Variants in MYCBPAP observed in about 807,000 individuals in gnomAD.
The protein encoded by MYCBPAP is MYCBP-associated protein.
Under a neutral mutation model 106.1 loss-of-function variants are expected in MYCBPAP, and 60 were observed. The observed-to-expected ratio is 0.57, with a 90% confidence interval of 0.46 to 0.70. The LOEUF (loss-of-function observed/expected upper bound fraction) is 0.70. MYCBPAP is among the 30% of genes least tolerant of loss of function. MYCBPAP has a pLI of 0.00. For missense variants in MYCBPAP, 1,064 were observed against 1,169.3 expected, an observed-to-expected ratio of 0.91 and a Z score of 1.31; for synonymous variants, 407 against 440.6, an observed-to-expected ratio of 0.92 and a Z score of 0.95.
intron 7 of MYCBPAP, among the ~76,000 whole-genome samples, chr17:50,520,842 A>C (rs2034230642): frequency 6.6e-6 from 1 of 152,202 alleles, no homozygotes; most frequent in Non-Finnish European, 1.5e-5. Flanking sequence ...GCTCATTGTT[A>C]AGCACTCAAT....
chr17:50,511,730 G>T (rs1033628403), intron 1 of MYCBPAP, among the ~76,000 whole-genome samples: 1 of 152,134 alleles, frequency 6.6e-6, no homozygotes, highest in South Asian at 2.1e-4. Flanking sequence ...AGCCCTATCA[G>T]CTTGGGATTC....
Position 50,527,334 on chromosome 17 carries a change from G to A in MYCBPAP, c.2217G>A (p.Met739Ile). 1 of 1,614,160 alleles carries A rather than the reference G, an allele frequency of 6.2e-7. No homozygotes were observed. The highest frequency in any genetic ancestry group is 8.5e-7 in the Non-Finnish European group (1 of 1,180,028). ...AGAACCACAGAGAGGATGCGTTGAT[G>A]AGGCTCAACAAAGCAGCCCTGGAGC... ...PDENHREDAL[M>I]RLNKAALELC... is the part of the protein sequence containing the mutation. The change falls in exon 15 of 19, where the codon ATG becomes ATA. Residue 739 changes from methionine to isoleucine, a missense_variant. Met to Ile is a conservative substitution (Grantham distance 10, BLOSUM62 1). Coordinates refer to ENST00000323776, the MANE Select transcript of MYCBPAP (RefSeq NM_032133.6).
rs2034279192 is a variant in MYCBPAP at position 50,522,086 on chromosome 17, A to G, written c.1257+5A>G. ...GGCAGTAATCCACAGGACAAGGTAA[A>G]ACAGCCTCCACCACACCTGCTGGGA... On this transcript the variant is annotated splice_donor_5th_base_variant and intron_variant, in intron 10 of 18. Transcript: ENST00000323776. The G allele has an allele frequency of 5.0e-6, 8 of 1,611,876 alleles. No homozygotes were observed. The East Asian group carries it at 1.8e-4, about 36-fold the overall frequency.
intron 7 of MYCBPAP, chr17:50,520,040 C>T (rs779797572): frequency 2.2e-5 from 9 of 410,056 alleles, no homozygotes; most frequent in African/African-American, 1.4e-4. Context: ...AGCCTTGAGC[C>T]ACATGCCGCT....
intron 15 of MYCBPAP, 151 bp downstream of exon 15, chr17:50,527,559 C>A: frequency 1.1e-6 from 1 of 945,354 alleles, no homozygotes; most frequent in Non-Finnish European, 1.6e-6. Context: ...GTTCTGGAAC[C>A]CTGCAGTGCC....
Position 50,517,428 on chromosome 17 carries a change from G to T in MYCBPAP, c.340G>T (p.Ala114Ser), listed in dbSNP as rs1313669880. The change falls in exon 3 of 19, where the codon GCC (alanine) becomes TCC (serine). Residue 114 changes from alanine to serine, a missense_variant. Physicochemically the swap from Ala to Ser is moderately conservative, Grantham distance 99. Transcript: ENST00000323776. ...AGCACGTCCTGCGAATCCTGATGAA[G>T]CCACAAAGCCTCTGGACTACTCCGG... is the stretch of plus-strand genomic sequence containing the variant. ...LVARPANPDE[A>S]TKPLDYSGPG... 4 of 1,614,040 alleles carry T rather than the reference G, an allele frequency of 2.5e-6. No homozygotes were observed. Among genetic ancestry groups the T allele is most frequent in the Non-Finnish European group, 3.4e-6 (4 of 1,180,034 alleles).
chr17:50,522,419 G>A (rs1042292869), intron 10 of MYCBPAP: 3 of 194,644 alleles, frequency 1.5e-5, no homozygotes, highest in Non-Finnish European at 3.3e-5. Flanking sequence ...ATCTGGCCAG[G>A]CGCAGAGGCT....
intron 18 of MYCBPAP, 39 bp from the exon 19 acceptor site, chr17:50,531,288 A>C (rs1463635126): frequency 2.1e-6 from 3 of 1,447,044 alleles, no homozygotes; most frequent in Non-Finnish European, 2.9e-6. Flanking sequence ...TGCTTCCCAC[A>C]GAGTAAACTC....
In MYCBPAP at chr17:50,517,343, G is replaced by A. The variant is rs79000284; in HGVS notation, c.255G>A (p.Gln85=). The change falls in exon 3 of 19, where the codon CAG becomes CAA. Residue 85 remains glutamine, a synonymous_variant. Transcript: ENST00000323776. ...AGGAAGATAAACGTGTCATCACCCA[G>A]AAATTTATCATCCGTAAACTCAAAC... ...TEKEDKRVIT[Q]KFIIRKLKPM... is the part of the protein sequence containing the mutation. The A allele has an allele frequency of 1.1e-4, 176 of 1,614,160 alleles. No individual in the cohort carries two copies. In the East Asian group the frequency reaches 3.9e-3, roughly 36 times the overall value.
intron 11 of MYCBPAP, 62 bp from the exon 12 acceptor site, chr17:50,523,535 T>C (rs1246359155): frequency 6.5e-7 from 1 of 1,547,444 alleles, no homozygotes; most frequent in Non-Finnish European, 8.9e-7. Flanking sequence ...TGTAGGAGCA[T>C]GTAGGCCTGG....
At chr17:50,524,653 A>G (rs1223114093) in intron 12 of MYCBPAP, among the ~76,000 whole-genome samples, 1 of 151,500 alleles carries the variant, frequency 6.6e-6, no homozygotes, top group Non-Finnish European at 1.5e-5. Flanking sequence ...CTTTTCATCC[A>G]TTTTTAGGGA....
chr17:50,522,203 C>G, intron 10 of MYCBPAP, 122 bp downstream of exon 10: 2 of 679,118 alleles, frequency 2.9e-6, no homozygotes, highest in Middle Eastern at 8.4e-4. Flanking sequence ...GTCGTGCATT[C>G]AGCACGTCTG....
At chr17:50,525,205 C>T (rs1225132272) in intron 13 of MYCBPAP, 182 bp downstream of exon 13, 16 of 632,686 alleles carry the variant, frequency 2.5e-5, no homozygotes, top group Non-Finnish European at 1.3e-5. Flanking sequence ...TTGTGAACTG[C>T]GCATGCGAGG....
At chr17:50,508,368 C>G (rs1366031511), upstream of MYCBPAP, 1 of 536,838 alleles carries the variant, frequency 1.9e-6, no homozygotes, top group Non-Finnish European at 3.1e-6. Flanking sequence ...GGGTCCCCCG[C>G]CCCGCCCCGC....
chr17:50,507,891 A>C (rs2033675171), upstream of MYCBPAP, among the ~76,000 whole-genome samples: 1 of 152,196 alleles, frequency 6.6e-6, no homozygotes, highest in East Asian at 1.9e-4. Context: ...CTCCAGGGGA[A>C]GGCGAAAAAA....
chr17:50,531,445 A>C lies in MYCBPAP; in HGVS notation c.*17A>C, dbSNP rs1177866016. The C allele has an allele frequency of 1.3e-6, 2 of 1,572,386 alleles. No homozygotes were observed. Among genetic ancestry groups the C allele is most frequent in the Non-Finnish European group, 1.7e-6 (2 of 1,157,508 alleles). On this transcript the variant is annotated 3_prime_UTR_variant, in exon 19 of 19. Coordinates refer to ENST00000323776, the MANE Select transcript of MYCBPAP (RefSeq NM_032133.6). The stretch of plus-strand genomic sequence containing the variant: ...TGCAGGTGACTCTCGGGCCCAAGCA[A>C]CCTTCTGGAAAACGGGTTAATAAAT...
At chr17:50,528,942 G>C in intron 17 of MYCBPAP, 76 bp from the exon 18 acceptor site, 2 of 1,597,212 alleles carry the variant, frequency 1.3e-6, no homozygotes, top group Non-Finnish European at 1.7e-6. Context: ...GGCTCTCCCA[G>C]TGAGCTACTG....
chr17:50,523,392 G>A (rs2034347870), intron 11 of MYCBPAP, among the ~76,000 whole-genome samples: 1 of 152,286 alleles, frequency 6.6e-6, no homozygotes, highest in Middle Eastern at 3.4e-3. Context: ...CACAGGCCTG[G>A]GGCTAGGATG....
At chr17:50,529,524 A>G in intron 18 of MYCBPAP, 1 of 370,400 alleles carries the variant, frequency 2.7e-6, no homozygotes, top group Non-Finnish European at 5.3e-6. Flanking sequence ...CTGCCATAGG[A>G]GGGAGGGGCC....
Sources: allele counts gnomAD v4.1 joint callset (sites outside exome capture counted in the v4.1 genomes callset), GRCh38; gene constraint gnomAD v4.1.1; transcripts MANE v1.5; gene names NCBI Gene and HGNC (gene_info 2026-07-23, HGNC 2026-07-21).